The following NLRP4 variants were observed in gnomAD, a reference collection of about 807,000 sequenced individuals.
NLRP4 encodes the protein NLR family pyrin domain containing 4, also known as NACHT, LRR and PYD domains-containing protein 4.
In NLRP4, 44 loss-of-function variants were observed where a neutral mutation model predicts 84.7. The observed-to-expected ratio is 0.52, with a 90% CI of 0.41 to 0.67. The LOEUF (loss-of-function observed/expected upper bound fraction) is 0.67, where lower values mean the gene tolerates loss of function less well. Among genes scored for constraint, NLRP4 ranks in the 30% least tolerant of loss-of-function variants. The pLI is 0.00. For missense variants in NLRP4, 1,260 were observed against 1,219.4 expected, an observed-to-expected ratio of 1.03 and a Z score of -0.50; for synonymous variants, 544 against 476.4, an observed-to-expected ratio of 1.14 and a Z score of -1.85.
chr19:55,848,060 C>T (rs1479334874), intron 1 of NLRP4, among the ~76,000 whole-genome samples: 1 of 152,104 alleles, frequency 6.6e-6, no homozygotes, highest in African/African-American at 2.4e-5. Context: ...GGATCCCCCA[C>T]TGGGTTTCAT....
chr19:55,872,767 G>T (rs1449017153), intron 7 of NLRP4, among the ~76,000 whole-genome samples: 2 of 152,120 alleles, frequency 1.3e-5, no homozygotes, highest in Non-Finnish European at 2.9e-5. Context: ...ATTTTAAGAA[G>T]ACTGAAATTT....
chr19:55,877,308 G>A (rs1024670563), intron 8 of NLRP4, 142 bp downstream of exon 8: 14 of 762,484 alleles, frequency 1.8e-5, no homozygotes, highest in Non-Finnish European at 2.8e-5. Context: ...TAAAACTTCA[G>A]GGCTTAAGGC....
chr19:55,867,794 G>A lies in NLRP4; in HGVS notation c.2272G>A (p.Val758Ile), dbSNP rs1985018631. 2 of 1,614,182 alleles carry A rather than the reference G, an allele frequency of 1.2e-6. No individual in the cohort carries two copies. Among genetic ancestry groups the A allele is most frequent in the Non-Finnish European group, 1.7e-6 (2 of 1,180,006 alleles). Residue 758 changes from valine to isoleucine, a missense_variant, in exon 6 of 10, where the codon GTA becomes ATA. This residue lies in a region of NLRP4 where 544 missense variants were observed against 531.7 expected (regional missense o/e 1.02). Transcript: ENST00000301295. The part of the protein sequence containing the change: ...TNNKKLTYLN[V>I]SCNQLDTGVP... ...CAACAAGAAGCTGACGTATCTGAAT[G>A]TATCCTGCAACCAGTTAGACACAGG...
At chr19:55,861,671 TCA>T in intron 4 of NLRP4, 124 bp downstream of exon 4, 1 of 875,120 alleles carries the variant, frequency 1.1e-6, no homozygotes. Context: ...TTGCTCAACC[TCA>T]GCACTTACAG....
At chr19:55,871,740 T>C (rs1397676734) in intron 7 of NLRP4, among the ~76,000 whole-genome samples, 1 of 152,130 alleles carries the variant, frequency 6.6e-6, no homozygotes, top group Non-Finnish European at 1.5e-5. Flanking sequence ...CTCCCAGTAG[T>C]GCGTTAGGCT....
intron 1 of NLRP4, among the ~76,000 whole-genome samples, chr19:55,847,716 C>CTTTTT (rs550137661): frequency 7.4e-6 from 1 of 135,118 alleles, no homozygotes; most frequent in South Asian, 2.4e-4. Flanking sequence ...ACCTAATATC[C>CTTTTT]TTTTTTTTTT....
chr19:55,861,424 C>G lies in NLRP4; in HGVS notation c.1895C>G (p.Ser632Cys). 6.2e-7 allele frequency: 1 copy of G among 1,614,192 alleles called. No homozygotes were observed. Among genetic ancestry groups the G allele is most frequent in the Non-Finnish European group, 8.5e-7 (1 of 1,180,000 alleles). ...CTCATCTGTTGGCATCACATCTGCT[C>G]TGTGCTCACCACCAGCGGGCACCTC... ...YSLICWHHIC[S>C]VLTTSGHLRE... The change falls in exon 4 of 10, where the codon TCT (serine) becomes TGT (cysteine). Residue 632 changes from serine to cysteine, a missense_variant. This residue lies in a region of NLRP4 where 544 missense variants were observed against 531.7 expected (regional missense o/e 1.02). Coordinates refer to ENST00000301295, the MANE Select transcript of NLRP4 (RefSeq NM_134444.5).
chr19:55,878,719 A>G (rs1219072842), intron 8 of NLRP4, 75 bp from the exon 9 acceptor site: 7 of 1,334,242 alleles, frequency 5.2e-6, no homozygotes, highest in Non-Finnish European at 7.2e-6. Flanking sequence ...CCTCAACTAG[A>G]CGTCTAGCTC....
Position 55,857,727 on chromosome 19 carries a change from T to G in NLRP4, c.334T>G (p.Ser112Ala). ...AAAGCAGAAATTCAGCCGCTTATGG[T>G]CCAGCAAGTCTGTCACTGAGATTCA... ...HAKQKFSRLW[S>A]SKSVTEIHLY... The change falls in exon 3 of 10, where the codon TCC (serine) becomes GCC (alanine). Residue 112 changes from serine to alanine, a missense_variant. By Grantham distance (99) the Ser-to-Ala change is moderately conservative. Coordinates refer to ENST00000301295, the MANE Select transcript of NLRP4 (RefSeq NM_134444.5). 1.2e-6 allele frequency: 2 copies of G among 1,613,790 alleles called. No individual in the cohort carries two copies. The highest frequency in any genetic ancestry group is 1.1e-5 in the South Asian group (1 of 91,066).
chr19:55,878,925 A>G lies in NLRP4; in HGVS notation c.2828A>G (p.Glu943Gly). 2 of 1,613,816 alleles carry G rather than the reference A, an allele frequency of 1.2e-6. No individual in the cohort carries two copies. Among genetic ancestry groups the G allele is most frequent in the Admixed American group, 3.3e-5 (2 of 60,008 alleles). ...LDHTGVVVLC[E>G]ALRHPECALQ... ...CACACAGGGGTGGTTGTACTCTGTG[A>G]GGCCCTGAGACACCCAGAGTGTGCC... is the stretch of plus-strand genomic sequence containing the variant. The change falls in exon 9 of 10, where the codon GAG becomes GGG. Residue 943 changes from glutamate to glycine, a missense_variant. Around this residue, in one of 3 missense-constraint regions of NLRP4, gnomAD observed 544 missense variants for 531.7 expected, o/e 1.02. Coordinates refer to ENST00000301295, the MANE Select transcript of NLRP4 (RefSeq NM_134444.5).
chr19:55,847,212 T>G (rs1176919908), intron 1 of NLRP4, among the ~76,000 whole-genome samples: 1 of 152,246 alleles, frequency 6.6e-6, no homozygotes, highest in East Asian at 1.9e-4. Context: ...GCTTTATTTT[T>G]ATTTTCCACT....
At chr19:55,850,768 T>A (rs76135366) in intron 1 of NLRP4, among the ~76,000 whole-genome samples, 1 of 37,282 alleles carries the variant, frequency 2.7e-5, no homozygotes, top group South Asian at 9.3e-4. Flanking sequence ...CGGTGTAATT[T>A]CCGAGGCTGC....
At chr19:55,853,807 T>C (rs934940147) in intron 2 of NLRP4, among the ~76,000 whole-genome samples, 1 of 147,582 alleles carries the variant, frequency 6.8e-6, no homozygotes, top group Non-Finnish European at 1.5e-5. Flanking sequence ...CTCTCTCTCT[T>C]TCTCTTTCTT....
In NLRP4 at chr19:55,867,867, T is replaced by C. The variant is rs778140168; in HGVS notation, c.2345T>C (p.Val782Ala). The change falls in exon 6 of 10, where the codon GTA becomes GCA. Residue 782 changes from valine to alanine, a missense_variant. Physicochemically the swap from Val to Ala is moderately conservative, Grantham distance 64. Around this residue, in one of 3 missense-constraint regions of NLRP4, gnomAD observed 544 missense variants for 531.7 expected, o/e 1.02. Coordinates refer to ENST00000301295, the MANE Select transcript of NLRP4 (RefSeq NM_134444.5). ...CTGTGCAGCCCAGACACGGTCCTGG[T>C]ATACCTGATGTGAGTGGATGTTGGG... ...EALCSPDTVL[V>A]YLMLAFCHLS... is the part of the protein sequence containing the mutation. 21 of 1,613,888 alleles carry C rather than the reference T, an allele frequency of 1.3e-5. No homozygotes were observed. In the South Asian group the frequency reaches 1.6e-4, roughly 13 times the overall value.
intron 6 of NLRP4, 93 bp from the exon 7 acceptor site, chr19:55,870,734 T>G: frequency 1.2e-6 from 1 of 868,084 alleles, no homozygotes; most frequent in South Asian, 1.6e-5. Flanking sequence ...TTTGTAAGAT[T>G]ATAGAAATAT....
chr19:55,843,873 T>C (rs949142769), intron 1 of NLRP4, among the ~76,000 whole-genome samples: 2 of 152,076 alleles, frequency 1.3e-5, no homozygotes, highest in Non-Finnish European at 2.9e-5. Context: ...CAGTAACAAG[T>C]GTTAGCCCTT....
At position 55,870,921 on chromosome 19, in the gene NLRP4, A is replaced by C; in HGVS notation, c.2449A>C (p.Asn817His). Residue 817 changes from asparagine to histidine, a missense_variant, in exon 7 of 10, where the codon AAT (asparagine) becomes CAT (histidine). Around this residue, in one of 3 missense-constraint regions of NLRP4, gnomAD observed 544 missense variants for 531.7 expected, o/e 1.02. Coordinates refer to ENST00000301295, the MANE Select transcript of NLRP4 (RefSeq NM_134444.5). ...CGTGCGCTATCTAGACCTCAGTGCCAATGTCCTGAAGGACGAAGGACTGAA... is the reference window on the plus strand; with the variant it reads ...CGTGCGCTATCTAGACCTCAGTGCCCATGTCCTGAAGGACGAAGGACTGAA... ...KSVRYLDLSA[N>H]VLKDEGLKTL... 1 of 1,613,918 alleles carries C rather than the reference A, an allele frequency of 6.2e-7. No homozygotes were observed.
At position 55,852,155 on chromosome 19, in the gene NLRP4, A is replaced by G; in HGVS notation, c.75A>G (p.Lys25=). Residue 25 remains lysine, a synonymous_variant, in exon 2 of 10, where the codon AAA becomes AAG. Coordinates refer to ENST00000301295, the MANE Select transcript of NLRP4 (RefSeq NM_134444.5). ...LEELKKEEFR[K]FKEHLKQMTL... is the part of the protein sequence containing the mutation. ...AGCTCAAAAAGGAGGAGTTCAGGAA[A>G]TTTAAAGAACATCTCAAGCAAATGA... The G allele has an allele frequency of 6.2e-7, 1 of 1,608,862 alleles. No homozygotes were observed. Among genetic ancestry groups the G allele is most frequent in the Non-Finnish European group, 8.5e-7 (1 of 1,178,522 alleles).
chr19:55,850,692 T>TGGCTGCGGTGTAATGTCCGA, intron 1 of NLRP4, among the ~76,000 whole-genome samples: 1 of 72,808 alleles, frequency 1.4e-5, no homozygotes, highest in African/African-American at 9.4e-5. Flanking sequence ...GTAATGTCCG[T>TGGCTGCGGTGTAATGTCCGA]GGCTGCGGTG....
Sources: gnomAD v4.1 joint callset for allele counts (sites outside exome capture counted in the v4.1 genomes callset) on GRCh38, gnomAD v4.1.1 for gene constraint, gnomAD v4.1.1 regional missense constraint, MANE v1.5 for transcripts, NCBI Gene and HGNC (gene_info 2026-07-23, HGNC 2026-07-21) for gene names.